Variants in CDH4 observed in about 807,000 individuals in gnomAD.
CDH4 encodes cadherin-4.
CDH4 carries 33 observed loss-of-function variants against 86.0 expected under a neutral mutation model. The ratio of observed to expected loss-of-function variants is 0.38; its 90% CI spans 0.29 to 0.51. The LOEUF is 0.51. Among genes scored for constraint, CDH4 ranks in the 20% least tolerant of loss-of-function variants. CDH4 has a pLI of 0.86. For synonymous variants in CDH4, 555 were observed against 549.4 expected, an observed-to-expected ratio of 1.01 and a Z score of -0.14; for missense variants, 1,114 against 1,307.4, an observed-to-expected ratio of 0.85 and a Z score of 2.28.
chr20:61,353,671 C>T (rs2084728255), intron 2 of CDH4, among the ~76,000 whole-genome samples: 9 of 61,232 alleles, frequency 1.5e-4, no homozygotes, highest in Admixed American at 3.0e-4. Context: ...CCTCCTCTTC[C>T]CCCTCCTCCT....
chr20:61,572,881 A>T lies in CDH4; in HGVS notation c.170-170682A>T, dbSNP rs1226768774. Among the ~76,000 whole-genome samples the T allele has an allele frequency of 1.3e-4, 19 of 151,522 alleles. No homozygotes were observed. The East Asian group carries it at 3.6e-3, about 29-fold the overall frequency. On this transcript the variant is annotated intron_variant, in intron 2 of 15. Coordinates refer to ENST00000614565, the MANE Select transcript of CDH4 (RefSeq NM_001794.5). The stretch of plus-strand genomic sequence containing the variant: ...GATGGATGGATGGACAGACAGAGGG[A>T]GAGATGGATGGACAGACGGATGGAT...
intron 2 of CDH4, among the ~76,000 whole-genome samples, chr20:61,374,001 C>T (rs1385950691): frequency 1.3e-5 from 2 of 152,110 alleles, no homozygotes; most frequent in East Asian, 1.9e-4. Flanking sequence ...GTGTGGCTGG[C>T]AGTGCGCACG....
Position 61,383,439 on chromosome 20 carries a change from G to T in CDH4, c.169+128502G>T, listed in dbSNP as rs1473904326. Among the ~76,000 whole-genome samples, 12 of 57,418 alleles carry T rather than the reference G, an allele frequency of 2.1e-4. 2 individuals carry two copies. The East Asian group carries it at 4.3e-3, about 20-fold the overall frequency. The allele number at this position is 57,418 out of a possible 152,430, so 37.7% of individuals were successfully genotyped here. A position where few individuals can be genotyped will look rare whatever the true frequency, so the allele number is the denominator to read the frequency against. On this transcript the variant is annotated intron_variant, in intron 2 of 15. Coordinates refer to ENST00000614565, the MANE Select transcript of CDH4 (RefSeq NM_001794.5). Reference sequence around the variant, plus strand: ...GATATATATGATATATATCATATATGAATATATATTCATATATATGAAGAT... The same window carrying T: ...GATATATATGATATATATCATATATTAATATATATTCATATATATGAAGAT...
chr20:61,596,442 A>G (rs570971986), intron 2 of CDH4, among the ~76,000 whole-genome samples: 2 of 152,294 alleles, frequency 1.3e-5, no homozygotes, highest in East Asian at 3.9e-4. Flanking sequence ...GGCCCCCTGC[A>G]CACTGCTGGG....
chr20:61,693,751 T>C (rs1600881944), intron 2 of CDH4, among the ~76,000 whole-genome samples: 1 of 152,202 alleles, frequency 6.6e-6, no homozygotes, highest in African/African-American at 2.4e-5. Flanking sequence ...AAGTGGAGCA[T>C]GCATGGAATC....
intron 2 of CDH4, among the ~76,000 whole-genome samples, chr20:61,583,203 G>C (rs74177963): frequency 0.48 from 22,967 of 47,880 alleles, 8,664 homozygotes; most frequent in Non-Finnish European, 0.62. Flanking sequence ...GAGGGACAGA[G>C]GGCTCTGCGG....
chr20:61,295,410 G>A (rs1044921869), intron 2 of CDH4, among the ~76,000 whole-genome samples: 1 of 152,204 alleles, frequency 6.6e-6, no homozygotes, highest in Non-Finnish European at 1.5e-5. Flanking sequence ...TGTCTGCCAG[G>A]GGATTGCGAC....
chr20:61,318,223 C>G (rs1314272099), intron 2 of CDH4, among the ~76,000 whole-genome samples: 1 of 152,148 alleles, frequency 6.6e-6, no homozygotes, highest in Non-Finnish European at 1.5e-5. Flanking sequence ...GTTTGCTTTG[C>G]GTTGACGACT....
chr20:61,757,726 T>C (rs1600954106), intron 3 of CDH4, among the ~76,000 whole-genome samples: 1 of 152,160 alleles, frequency 6.6e-6, no homozygotes, highest in East Asian at 1.9e-4. Context: ...CTTGCTGCCA[T>C]GTGGAGGGTG....
chr20:61,331,296 G>A (rs2084571289), intron 2 of CDH4, among the ~76,000 whole-genome samples: 1 of 152,022 alleles, frequency 6.6e-6, no homozygotes, highest in African/African-American at 2.4e-5. Flanking sequence ...GGTCCCCTGA[G>A]TCCTCCCCAT....
chr20:61,487,712 T>G (rs2085604182), intron 2 of CDH4, among the ~76,000 whole-genome samples: 1 of 152,188 alleles, frequency 6.6e-6, no homozygotes, highest in African/African-American at 2.4e-5. Context: ...AAATCTAGCT[T>G]GAAACACTAC....
chr20:61,733,998 G>A (rs1035340167), intron 2 of CDH4, among the ~76,000 whole-genome samples: 2 of 152,258 alleles, frequency 1.3e-5, no homozygotes, highest in Non-Finnish European at 2.9e-5. Context: ...GTCACTCAGG[G>A]CTGGTTCCCA....
intron 2 of CDH4, among the ~76,000 whole-genome samples, chr20:61,726,553 G>A (rs573680738): frequency 5.3e-5 from 8 of 152,208 alleles, no homozygotes; most frequent in Middle Eastern, 3.4e-3. Flanking sequence ...TATGGGCCAA[G>A]TAAGCAAGAA....
chr20:61,672,834 C>T lies in CDH4; in HGVS notation c.170-70729C>T, dbSNP rs114368697. Among the ~76,000 whole-genome samples the T allele has an allele frequency of 3.9e-3, 589 of 152,042 alleles. 3 individuals carry two copies. Among genetic ancestry groups the T allele is most frequent in the African/African-American group, 0.013 (557 of 41,434 alleles). On this transcript the variant is annotated intron_variant, in intron 2 of 15. Transcript: ENST00000614565. ...GTCCCTGCTCAGCTGGGAACTGCAA[C>T]CTGACAGGGATCAAGAAGGGAATGG...
At chr20:61,345,097 T>C (rs1331085403) in intron 2 of CDH4, among the ~76,000 whole-genome samples, 2 of 152,210 alleles carry the variant, frequency 1.3e-5, no homozygotes, top group Non-Finnish European at 2.9e-5. Context: ...AGCTGTCTCT[T>C]TCGATGGACG....
chr20:61,799,497 G>T (rs1244965225), intron 4 of CDH4, among the ~76,000 whole-genome samples: 1 of 152,334 alleles, frequency 6.6e-6, no homozygotes, highest in Admixed American at 6.5e-5. Context: ...TGTGCCCAGA[G>T]CCTGGGCCTG....
At chr20:61,256,925 A>C (rs2084101689) in intron 2 of CDH4, among the ~76,000 whole-genome samples, 1 of 152,188 alleles carries the variant, frequency 6.6e-6, no homozygotes, top group Admixed American at 6.5e-5. Context: ...AATTTTGCAC[A>C]TATGGAGGCA....
chr20:61,572,197 G>C (rs1329004861), intron 2 of CDH4, among the ~76,000 whole-genome samples: 1 of 152,286 alleles, frequency 6.6e-6, no homozygotes, highest in Non-Finnish European at 1.5e-5. Context: ...TATCAGCTCC[G>C]TGTTAAGTCC....
intron 2 of CDH4, among the ~76,000 whole-genome samples, chr20:61,704,140 C>A (rs541470689): frequency 6.6e-6 from 1 of 152,174 alleles, no homozygotes; most frequent in African/African-American, 2.4e-5. Flanking sequence ...TCAGGACAGT[C>A]CTCGGCATCT....
Sources: allele counts gnomAD v4.1 joint callset (sites outside exome capture counted in the v4.1 genomes callset), GRCh38; gene constraint gnomAD v4.1.1; transcripts MANE v1.5; gene names NCBI Gene and HGNC (gene_info 2026-07-23, HGNC 2026-07-21).